The following KIF26B variants were observed in gnomAD, a reference collection of about 807,000 sequenced individuals.
KIF26B encodes the protein kinesin family member 26B, also known as kinesin-like protein KIF26B.
A neutral mutation model predicts 151.2 loss-of-function variants in KIF26B; 63 were observed. That is an observed-to-expected ratio of 0.42 (90% CI 0.34 to 0.51). KIF26B has a LOEUF of 0.51. Ranked by LOEUF, KIF26B falls within the 20% of genes least tolerant of loss-of-function variation. The pLI, the probability that KIF26B is intolerant of heterozygous loss-of-function variation, is 0.07. For missense variants in KIF26B, 2,813 were observed against 2,913.6 expected, an observed-to-expected ratio of 0.97 and a Z score of 0.79; for synonymous variants, 1,357 against 1,262.1, an observed-to-expected ratio of 1.08 and a Z score of -1.59.
At chr1:245,524,815 C>T (rs1040533948) in intron 4 of KIF26B, among the ~76,000 whole-genome samples, 1 of 152,034 alleles carries the variant, frequency 6.6e-6, no homozygotes, top group Admixed American at 6.6e-5. Context: ...TTACTTCTTC[C>T]ACCCCTATTT....
intron 4 of KIF26B, among the ~76,000 whole-genome samples, chr1:245,438,325 C>G (rs1658982881): frequency 6.6e-6 from 1 of 152,214 alleles, no homozygotes; most frequent in Non-Finnish European, 1.5e-5. Context: ...ACACAGAAAG[C>G]TCTAAAGAAG....
chr1:245,234,593 T>C (rs1349456446), intron 2 of KIF26B: 1 of 152,518 alleles, frequency 6.6e-6, no homozygotes, highest in Non-Finnish European at 1.5e-5. Flanking sequence ...CTGGGTTACA[T>C]GTGGGCAGGA....
intron 4 of KIF26B, among the ~76,000 whole-genome samples, chr1:245,502,295 G>A (rs1301736303): frequency 7.2e-5 from 11 of 152,248 alleles, no homozygotes; most frequent in Admixed American, 5.9e-4. Context: ...TTGGGAGGCC[G>A]AGGTGGGCAG....
chr1:245,312,127 G>A (rs189096491), intron 2 of KIF26B, among the ~76,000 whole-genome samples: 57 of 151,904 alleles, frequency 3.8e-4, no homozygotes, highest in Admixed American at 9.2e-4. Context: ...GGAATAATGG[G>A]CACTAGAATT....
At chr1:245,269,685 G>A (rs981236028) in intron 2 of KIF26B, among the ~76,000 whole-genome samples, 3 of 151,968 alleles carry the variant, frequency 2.0e-5, no homozygotes, top group African/African-American at 4.8e-5. Flanking sequence ...GGCTGATCTC[G>A]AACTCCTGAT....
intron 2 of KIF26B, among the ~76,000 whole-genome samples, chr1:245,272,530 A>C (rs1200668113): frequency 4.0e-5 from 6 of 151,634 alleles, no homozygotes; most frequent in Admixed American, 2.6e-4. Context: ...TTCAATTATA[A>C]TCTTTATTAT....
intron 4 of KIF26B, among the ~76,000 whole-genome samples, chr1:245,444,553 G>A (rs1461390562): frequency 6.6e-6 from 1 of 152,240 alleles, no homozygotes; most frequent in African/African-American, 2.4e-5. Flanking sequence ...CACAGAAAGG[G>A]TGTTGATTTT....
Position 245,186,881 on chromosome 1 carries a change from G to A in KIF26B, c.465+30198G>A, listed in dbSNP as rs192945799. On this transcript the variant is annotated intron_variant, in intron 2 of 14. Coordinates refer to ENST00000407071, the MANE Select transcript of KIF26B (RefSeq NM_018012.4). Reference sequence around the variant, plus strand: ...TTTCTTTCTTTTTTTTTCTGAGACAGAGTCTCTCTCTGTAGCCCAGGCTGG... The same window carrying A: ...TTTCTTTCTTTTTTTTTCTGAGACAAAGTCTCTCTCTGTAGCCCAGGCTGG... Among the ~76,000 whole-genome samples the A allele has an allele frequency of 2.7e-5, 4 of 150,902 alleles. No homozygotes were observed. In the East Asian group the frequency reaches 7.8e-4, roughly 29 times the overall value.
chr1:245,470,849 G>C (rs112080219), intron 4 of KIF26B, among the ~76,000 whole-genome samples: 6 of 152,242 alleles, frequency 3.9e-5, no homozygotes, highest in African/African-American at 1.4e-4. Context: ...GTAGCTTTCA[G>C]ATGCTCATTT....
intron 2 of KIF26B, among the ~76,000 whole-genome samples, chr1:245,190,639 G>GT (rs56019423): frequency 0.4 from 56,637 of 139,866 alleles, 14,009 homozygotes; most frequent in Non-Finnish European, 0.54. Flanking sequence ...GTTTTGTTTT[G>GT]TTTTTTTTTT....
At chr1:245,506,837 C>T (rs1660736146) in intron 4 of KIF26B, among the ~76,000 whole-genome samples, 1 of 152,204 alleles carries the variant, frequency 6.6e-6, no homozygotes, top group Non-Finnish European at 1.5e-5. Context: ...TGTAATTACA[C>T]TCGGCTAAAT....
chr1:245,230,478 C>G (rs1669973083), intron 2 of KIF26B, among the ~76,000 whole-genome samples: 1 of 152,090 alleles, frequency 6.6e-6, no homozygotes, highest in Admixed American at 6.6e-5. Context: ...CGTGGTGGCT[C>G]ACGCCTGTAA....
intron 4 of KIF26B, among the ~76,000 whole-genome samples, chr1:245,490,790 T>C (rs1055746275): frequency 7.2e-5 from 11 of 152,210 alleles, no homozygotes; most frequent in African/African-American, 2.7e-4. Context: ...AAATGATATG[T>C]ATGTTGAAAA....
rs1672588888 is a variant in KIF26B at position 245,352,527 on chromosome 1, G to C, written c.466-14307G>C. 6.6e-6 allele frequency among the ~76,000 whole-genome samples: 1 copy of C among 152,222 alleles called. No homozygotes were observed. The highest frequency in any genetic ancestry group is 6.5e-5 in the Admixed American group (1 of 15,290). On this transcript the variant is annotated intron_variant, in intron 2 of 14. Transcript: ENST00000407071. The surrounding 1 kb of genome is among the most constrained non-coding windows in gnomAD (Gnocchi z 5.0). ...AATCCATCAACCTTGGCCTCGCCAA[G>C]TGCTGAGATTATAGGCGTGAACCAC...
intron 2 of KIF26B, among the ~76,000 whole-genome samples, chr1:245,287,980 A>T (rs1281748017): frequency 1.5e-5 from 2 of 130,298 alleles, no homozygotes; most frequent in Non-Finnish European, 3.1e-5. Flanking sequence ...TGATAGGCTT[A>T]AAAAAAAAAA....
At chr1:245,381,739 T>C (rs145890874) in intron 3 of KIF26B, among the ~76,000 whole-genome samples, 2,001 of 152,268 alleles carry the variant, frequency 0.013, 44 homozygotes, top group African/African-American at 0.046. Context: ...CCATTCTCCC[T>C]CCCACCAGCC....
chr1:245,539,218 A>G (rs753581946), intron 4 of KIF26B, among the ~76,000 whole-genome samples: 9 of 152,118 alleles, frequency 5.9e-5, no homozygotes, highest in Non-Finnish European at 1.2e-4. Context: ...AAATGGTAAC[A>G]CCATTTGCTA....
chr1:245,528,121 A>G (rs1434061185), intron 4 of KIF26B, among the ~76,000 whole-genome samples: 1 of 152,160 alleles, frequency 6.6e-6, no homozygotes, highest in Non-Finnish European at 1.5e-5. Context: ...GATGAAAAAG[A>G]AAGATCCACC....
intron 12 of KIF26B, 146 bp downstream of exon 12, chr1:245,688,953 A>T (rs1028704530): frequency 1.6e-5 from 17 of 1,079,498 alleles, no homozygotes; most frequent in Middle Eastern, 3.1e-4. Context: ...CCCAAACCCC[A>T]CTGCCAGGGT....
Sources: allele counts gnomAD v4.1 joint callset (sites outside exome capture counted in the v4.1 genomes callset), GRCh38; gene constraint gnomAD v4.1.1; non-coding constraint Gnocchi (gnomAD v3.1); transcripts MANE v1.5; gene names NCBI Gene and HGNC (gene_info 2026-07-23, HGNC 2026-07-21).